The following RBFOX2 variants were observed in gnomAD, a reference collection of about 807,000 sequenced individuals.
The protein encoded by RBFOX2 is RNA binding protein fox-1 homolog 2.
Under a neutral mutation model 49.1 loss-of-function variants are expected in RBFOX2, and 10 were observed. The observed-to-expected ratio is 0.20, with a 90% CI of 0.13 to 0.35. The LOEUF is 0.35. Ranked by LOEUF, RBFOX2 falls within the 10% of genes least tolerant of loss-of-function variation. The probability of loss-of-function intolerance (pLI) is 1.00; values close to 1 mark genes in which losing one functional copy is unlikely to be tolerated. For missense variants in RBFOX2, 323 were observed against 486.9 expected, an observed-to-expected ratio of 0.66 and a Z score of 3.17; for synonymous variants, 183 against 187.4, an observed-to-expected ratio of 0.98 and a Z score of 0.19.
chr22:35,824,041 C>A (rs761990582), intron 1 of RBFOX2, among the ~76,000 whole-genome samples: 1 of 151,860 alleles, frequency 6.6e-6, no homozygotes, highest in African/African-American at 2.4e-5. Context: ...CCCAGCTACT[C>A]GGGAGGCTGA....
At chr22:35,985,902 G>A (rs112780890) in intron 1 of RBFOX2, among the ~76,000 whole-genome samples, 4,075 of 143,950 alleles carry the variant, frequency 0.028, 220 homozygotes, top group African/African-American at 0.1. Context: ...ATAGATAGAT[G>A]GATAGATAGA....
intron 1 of RBFOX2, among the ~76,000 whole-genome samples, chr22:35,960,717 A>G (rs2056102119): frequency 1.3e-5 from 2 of 152,190 alleles, no homozygotes; most frequent in African/African-American, 4.8e-5. Context: ...ACTTTTTGAC[A>G]ACACCACAAA....
intron 1 of RBFOX2, among the ~76,000 whole-genome samples, chr22:35,954,871 A>C (rs1166236102): frequency 1.3e-5 from 2 of 152,248 alleles, no homozygotes; most frequent in Non-Finnish European, 2.9e-5. Context: ...ACCAGTGTAC[A>C]TGGTTGATAA....
exon 12 of RBFOX2, chr22:35,742,010 T>A (rs977178088): frequency 1.3e-5 from 2 of 152,144 alleles, no homozygotes; most frequent in African/African-American, 4.8e-5. Flanking sequence ...AAGTTCTCCC[T>A]CAAAGCAAAA....
intron 1 of RBFOX2, among the ~76,000 whole-genome samples, chr22:35,824,802 G>A (rs973388651): frequency 6.6e-6 from 1 of 152,114 alleles, no homozygotes; most frequent in Non-Finnish European, 1.5e-5. Context: ...AACCAACAGG[G>A]CATACTTTAA....
intron 1 of RBFOX2, among the ~76,000 whole-genome samples, chr22:35,935,436 T>C (rs572526531): frequency 6.6e-6 from 1 of 152,310 alleles, no homozygotes; most frequent in Admixed American, 6.5e-5. Context: ...TGAGGTGACC[T>C]TGCATAAACA....
At chr22:35,746,166 T>C (rs960899102) in intron 10 of RBFOX2, among the ~76,000 whole-genome samples, 171 bp from the exon 13 acceptor site, 2 of 151,970 alleles carry the variant, frequency 1.3e-5, no homozygotes, top group Admixed American at 1.3e-4. Flanking sequence ...CCAAATGCAA[T>C]AACTGAAAAA....
intron 1 of RBFOX2, among the ~76,000 whole-genome samples, chr22:35,976,955 C>T (rs557729864): frequency 2.0e-5 from 3 of 147,146 alleles, no homozygotes; most frequent in Non-Finnish European, 3.0e-5. Flanking sequence ...CAGACCGAGA[C>T]TCCGTCTCAA....
chr22:35,809,562 T>C (rs1243800872), intron 2 of RBFOX2, among the ~76,000 whole-genome samples: 2 of 152,126 alleles, frequency 1.3e-5, no homozygotes, highest in Admixed American at 1.3e-4. Context: ...GAACACCCAG[T>C]GCTTGGCAGG....
intron 1 of RBFOX2, among the ~76,000 whole-genome samples, chr22:35,880,201 T>C (rs987638683): frequency 5.3e-5 from 8 of 152,116 alleles, no homozygotes; most frequent in African/African-American, 1.9e-4. Flanking sequence ...TAGGTTATTT[T>C]TGAAAGGCAG....
intron 1 of RBFOX2, among the ~76,000 whole-genome samples, chr22:35,973,570 C>T (rs1185632454): frequency 6.6e-6 from 1 of 152,226 alleles, no homozygotes; most frequent in Non-Finnish European, 1.5e-5. Context: ...TAGATTAGAA[C>T]TGTCTGTTGT....
chr22:35,773,473 T>C (rs1943181539), intron 4 of RBFOX2, among the ~76,000 whole-genome samples: 2 of 152,078 alleles, frequency 1.3e-5, no homozygotes. Context: ...TTTAAGGTGA[T>C]GGCTATCCCA....
intron 1 of RBFOX2, among the ~76,000 whole-genome samples, chr22:35,816,523 A>G (rs1198642877): frequency 1.3e-5 from 2 of 152,330 alleles, no homozygotes; most frequent in South Asian, 2.1e-4. Context: ...ACTCAGAGCC[A>G]TAAGATGTTA....
chr22:35,816,841 A>G (rs1603278667), intron 1 of RBFOX2, among the ~76,000 whole-genome samples: 2 of 152,346 alleles, frequency 1.3e-5, no homozygotes, highest in South Asian at 4.1e-4. Flanking sequence ...AGATGCAGTA[A>G]GAAACTACTT....
chr22:35,830,881 T>A (rs1400580250), intron 1 of RBFOX2, among the ~76,000 whole-genome samples: 2 of 151,938 alleles, frequency 1.3e-5, no homozygotes, highest in East Asian at 3.9e-4. Context: ...AGGAGAAGAA[T>A]CTTCATATTT....
Position 35,768,362 on chromosome 22 carries a change from G to C in RBFOX2, c.454-13C>G, listed in dbSNP as rs1458690470. 2 of 1,603,824 alleles carry C rather than the reference G, an allele frequency of 1.2e-6. No homozygotes were observed. The highest frequency in any genetic ancestry group is 1.7e-6 in the Non-Finnish European group (2 of 1,171,044). ...CGAACCCGAATCCCTGCATGCAGCG[G>C]GAGAAGGGGGGAAAACATGCACATC... On this transcript the variant is annotated splice_polypyrimidine_tract_variant and intron_variant, in intron 4 of 11. Transcript: ENST00000405409.
intron 1 of RBFOX2, among the ~76,000 whole-genome samples, chr22:35,990,045 T>C (rs2057905031): frequency 6.6e-6 from 1 of 152,124 alleles, no homozygotes; most frequent in Admixed American, 6.5e-5. Context: ...CAGCTGGGCA[T>C]GGTAGCACAC....
At chr22:35,746,045 A>T in intron 10 of RBFOX2, 50 bp from the exon 13 acceptor site, 1 of 1,500,814 alleles carries the variant, frequency 6.7e-7, no homozygotes. Context: ...GTATGATCTA[A>T]AAAAATTAAA....
intron 1 of RBFOX2, among the ~76,000 whole-genome samples, chr22:35,879,486 T>C (rs1343902001): frequency 6.6e-6 from 1 of 152,246 alleles, no homozygotes; most frequent in Non-Finnish European, 1.5e-5. Flanking sequence ...TCTGCGGATT[T>C]GGGTATCTTT....
Sources: allele counts gnomAD v4.1 joint callset (sites outside exome capture counted in the v4.1 genomes callset), GRCh38; gene constraint gnomAD v4.1.1; transcripts MANE v1.5; gene names NCBI Gene and HGNC (gene_info 2026-07-23, HGNC 2026-07-21).